Variants in RTF2 observed in about 807,000 individuals in gnomAD.
RTF2 encodes replication termination factor 2.
RTF2 carries 18 observed loss-of-function variants against 38.0 expected under a neutral mutation model. That is an observed-to-expected ratio of 0.47 (90% CI 0.33 to 0.70). The LOEUF is 0.70. Ranked by LOEUF, RTF2 falls within the 30% of genes least tolerant of loss-of-function variation. RTF2 has a pLI of 0.02. For synonymous variants in RTF2, 126 were observed against 137.1 expected (o/e 0.92, Z 0.57); for missense variants, 311 against 379.6 (o/e 0.82, Z 1.50).
chr20:56,515,239 T>C (rs1442563832), intron 6 of RTF2, among the ~76,000 whole-genome samples: 2 of 152,140 alleles, frequency 1.3e-5, no homozygotes, highest in Non-Finnish European at 2.9e-5. Flanking sequence ...CATCTCCCTG[T>C]TCTTAATTGC....
chr20:56,482,485 C>T (rs1171468367), intron 4 of RTF2, among the ~76,000 whole-genome samples: 4 of 151,980 alleles, frequency 2.6e-5, no homozygotes, highest in Non-Finnish European at 5.9e-5. Flanking sequence ...AGATGCGGAA[C>T]GCATGGATAT....
chr20:56,506,418 C>T (rs1056002691), intron 5 of RTF2, among the ~76,000 whole-genome samples: 9 of 83,918 alleles, frequency 1.1e-4, no homozygotes, highest in African/African-American at 4.5e-4. Flanking sequence ...GTCAGCTGTT[C>T]ATTGCTAATA....
chr20:56,478,953 A>T (rs942406880), intron 4 of RTF2, among the ~76,000 whole-genome samples: 1 of 152,218 alleles, frequency 6.6e-6, no homozygotes, highest in Non-Finnish European at 1.5e-5. Flanking sequence ...CCATGGGCAG[A>T]TTCTGTCTCA....
At chr20:56,489,774 T>C (rs1230405106) in intron 5 of RTF2, among the ~76,000 whole-genome samples, 1 of 152,234 alleles carries the variant, frequency 6.6e-6, no homozygotes, top group Admixed American at 6.5e-5. Flanking sequence ...ACTTGAAAGA[T>C]GTAATCTTTT....
chr20:56,484,995 G>A (rs1436362077), intron 5 of RTF2, among the ~76,000 whole-genome samples: 3 of 152,088 alleles, frequency 2.0e-5, no homozygotes, highest in Non-Finnish European at 4.4e-5. Context: ...AGGGGCCATC[G>A]TCTCTTCTAG....
chr20:56,485,894 C>T (rs925287912), intron 5 of RTF2, among the ~76,000 whole-genome samples: 4 of 152,106 alleles, frequency 2.6e-5, no homozygotes, highest in Admixed American at 6.5e-5. Context: ...GGCCAGGTAC[C>T]AAACAGATGG....
intron 5 of RTF2, chr20:56,491,926 T>G (rs1983173215): frequency 1.6e-6 from 1 of 633,928 alleles, no homozygotes; most frequent in East Asian, 2.8e-5. Flanking sequence ...TTTCCATGAT[T>G]GCCTTGACAG....
At chr20:56,514,478 C>T (rs926316000) in intron 6 of RTF2, among the ~76,000 whole-genome samples, 4 of 152,014 alleles carry the variant, frequency 2.6e-5, no homozygotes, top group African/African-American at 9.7e-5. Flanking sequence ...AATTATGAAA[C>T]AAATCGCCTG....
intron 5 of RTF2, chr20:56,495,170 C>A (rs529491669): frequency 6.2e-6 from 9 of 1,453,584 alleles, no homozygotes; most frequent in South Asian, 4.9e-5. Flanking sequence ...AAATTTGAAG[C>A]CTTTTTTGTT....
Position 56,498,434 on chromosome 20 carries a change from G to A in RTF2, c.477+14245G>A, listed in dbSNP as rs548160374. On this transcript the variant is annotated intron_variant, in intron 5 of 8. Coordinates refer to ENST00000357348, the MANE Select transcript of RTF2 (RefSeq NM_016407.5). ...AAAACTTAAAAATTAGCCACATGTGGTGGTGCCCTGATTATCCCGTTGCAC... is the reference window on the plus strand; with the variant it reads ...AAAACTTAAAAATTAGCCACATGTGATGGTGCCCTGATTATCCCGTTGCAC... 2.6e-5 allele frequency among the ~76,000 whole-genome samples: 4 copies of A among 152,034 alleles called. No individual in the cohort carries two copies. The East Asian group carries it at 5.8e-4, about 22-fold the overall frequency.
At chr20:56,497,639 A>G in intron 5 of RTF2, 1 of 1,236,842 alleles carries the variant, frequency 8.1e-7, no homozygotes, top group Non-Finnish European at 1.0e-6. Context: ...TCTTATTACC[A>G]TAATTTAAGT....
At chr20:56,515,300 C>A (rs6127778) in intron 6 of RTF2, among the ~76,000 whole-genome samples, 1 of 152,028 alleles carries the variant, frequency 6.6e-6, no homozygotes, top group Admixed American at 6.6e-5. Flanking sequence ...AGCCGGGTGC[C>A]GTGGCTCACA....
intron 3 of RTF2, among the ~76,000 whole-genome samples, chr20:56,476,729 C>A (rs1417035640): frequency 6.6e-6 from 1 of 152,054 alleles, no homozygotes; most frequent in African/African-American, 2.4e-5. Flanking sequence ...GAACTCCTGA[C>A]CTCAGGTGAT....
chr20:56,493,741 T>G (rs1449626968), intron 5 of RTF2, among the ~76,000 whole-genome samples: 1 of 151,974 alleles, frequency 6.6e-6, no homozygotes, highest in African/African-American at 2.4e-5. Flanking sequence ...CAGCTACACC[T>G]TGATTATAAT....
intron 5 of RTF2, among the ~76,000 whole-genome samples, chr20:56,487,456 G>C (rs1982856377): frequency 6.6e-6 from 1 of 152,208 alleles, no homozygotes; most frequent in Non-Finnish European, 1.5e-5. Context: ...GCTCCTCCCG[G>C]CTCCTCGTGG....
chr20:56,497,252 C>T (rs6099173), intron 5 of RTF2: 1 of 1,551,772 alleles, frequency 6.4e-7, no homozygotes, highest in Non-Finnish European at 8.7e-7. Context: ...TGGCCAGCTC[C>T]TTATGAATAG....
chr20:56,476,364 C>T (rs970029706), intron 3 of RTF2, among the ~76,000 whole-genome samples: 1 of 152,100 alleles, frequency 6.6e-6, no homozygotes, highest in African/African-American at 2.4e-5. Context: ...CTGGGTGGAA[C>T]TCATGCAGAG....
At chr20:56,491,725 C>A in intron 5 of RTF2, 1 of 1,552,222 alleles carries the variant, frequency 6.4e-7, no homozygotes, top group Non-Finnish European at 8.7e-7. Flanking sequence ...GAGAAGGCGA[C>A]TGAATGAGCC....
At position 56,469,333 on chromosome 20, in the gene RTF2, A is replaced by G. The variant is rs371898266; in HGVS notation, c.69+567A>G. 5.3e-5 allele frequency among the ~76,000 whole-genome samples: 8 copies of G among 152,348 alleles called. No individual in the cohort carries two copies. In the East Asian group the frequency reaches 9.6e-4, roughly 18 times the overall value. On this transcript the variant is annotated intron_variant, in intron 1 of 8. Coordinates refer to ENST00000357348, the MANE Select transcript of RTF2 (RefSeq NM_016407.5). ...AGGCTGTACCCTTTTTTTCTCTGCA[A>G]CTAGCATGGTTCCTGGCACACTAAA...
Sources: gnomAD v4.1 joint callset for allele counts (sites outside exome capture counted in the v4.1 genomes callset) on GRCh38, gnomAD v4.1.1 for gene constraint, MANE v1.5 for transcripts, NCBI Gene and HGNC (gene_info 2026-07-23, HGNC 2026-07-21) for gene names.